Variants in HTR4 observed in about 807,000 individuals in gnomAD.
HTR4 encodes the protein 5-hydroxytryptamine (serotonin) receptor 4, G protein-coupled.
Under a neutral mutation model 36.8 loss-of-function variants are expected in HTR4, and 16 were observed. The ratio of observed to expected loss-of-function variants is 0.43; its 90% CI spans 0.29 to 0.66. HTR4 has a LOEUF of 0.66. HTR4 is among the 30% of genes least tolerant of loss of function. HTR4 has a pLI of 0.13. For synonymous variants in HTR4, 189 were observed against 185.1 expected (o/e 1.02, Z -0.17); for missense variants, 438 against 490.9 (o/e 0.89, Z 1.02).
chr5:148,637,289 T>C (rs1401699693), intron 1 of HTR4, among the ~76,000 whole-genome samples: 1 of 152,208 alleles, frequency 6.6e-6, no homozygotes, highest in Non-Finnish European at 1.5e-5. Context: ...GATTAAAACA[T>C]ATGGGTGCTT....
At chr5:148,601,920 A>T (rs924182700) in intron 2 of HTR4, among the ~76,000 whole-genome samples, 1 of 152,184 alleles carries the variant, frequency 6.6e-6, no homozygotes, top group African/African-American at 2.4e-5. Flanking sequence ...TCACTTCTAT[A>T]TGGGATCTAA....
downstream of HTR4, among the ~76,000 whole-genome samples, chr5:148,473,301 CAA>C (rs35164649): frequency 3.2e-4 from 22 of 68,596 alleles, no homozygotes; most frequent in Admixed American, 5.2e-4. Flanking sequence ...GACTCCATCT[CAA>C]AAAAAAAAAA....
intron 2 of HTR4, among the ~76,000 whole-genome samples, chr5:148,560,270 A>G (rs1157683347): frequency 6.6e-6 from 1 of 151,498 alleles, no homozygotes; most frequent in African/African-American, 2.4e-5. Context: ...ATTCCATAAT[A>G]TGAAGCATCA....
At chr5:148,532,987 G>T (rs999271138) in intron 4 of HTR4, among the ~76,000 whole-genome samples, 1 of 152,176 alleles carries the variant, frequency 6.6e-6, no homozygotes, top group Non-Finnish European at 1.5e-5. Flanking sequence ...TGTTAGGCTA[G>T]GAGGAGTTAC....
intron 2 of HTR4, among the ~76,000 whole-genome samples, chr5:148,621,564 G>C (rs1261948481): frequency 6.6e-6 from 1 of 152,184 alleles, no homozygotes; most frequent in East Asian, 1.9e-4. Flanking sequence ...CTGTGGTCCA[G>C]CAAGTTTGTG....
At chr5:148,532,410 T>A (rs1427780698) in intron 4 of HTR4, among the ~76,000 whole-genome samples, 3 of 152,242 alleles carry the variant, frequency 2.0e-5, no homozygotes, top group African/African-American at 7.2e-5. Flanking sequence ...TTGTGGATAC[T>A]GACAAACTGG....
chr5:148,573,558 A>T (rs1354723342), intron 2 of HTR4, among the ~76,000 whole-genome samples: 1 of 152,118 alleles, frequency 6.6e-6, no homozygotes, highest in East Asian at 1.9e-4. Flanking sequence ...GACTTATATT[A>T]TATCTACTCA....
intron 2 of HTR4, among the ~76,000 whole-genome samples, chr5:148,592,848 A>G (rs1244909811): frequency 6.6e-6 from 1 of 151,914 alleles, no homozygotes; most frequent in African/African-American, 2.4e-5. Context: ...TAATTTCCTC[A>G]CTTCAGTCTT....
At chr5:148,500,105 G>T (rs955285735) in intron 6 of HTR4, among the ~76,000 whole-genome samples, 1 of 152,166 alleles carries the variant, frequency 6.6e-6, no homozygotes, top group African/African-American at 2.4e-5. Context: ...CAGGGGGTAA[G>T]TGTATAGAGC....
intron 2 of HTR4, among the ~76,000 whole-genome samples, chr5:148,577,011 A>C (rs1760949906): frequency 6.6e-6 from 1 of 152,130 alleles, no homozygotes; most frequent in Non-Finnish European, 1.5e-5. Flanking sequence ...CAATGACAAA[A>C]AACTATCAAC....
chr5:148,626,892 AT>A (rs956127019), intron 2 of HTR4, among the ~76,000 whole-genome samples: 2 of 152,100 alleles, frequency 1.3e-5, no homozygotes, highest in African/African-American at 2.4e-5. Flanking sequence ...TTCTATAGAC[AT>A]TTTTTTACCT....
chr5:148,554,774 A>G (rs1759859722), intron 2 of HTR4, among the ~76,000 whole-genome samples: 1 of 152,100 alleles, frequency 6.6e-6, no homozygotes, highest in South Asian at 2.1e-4. Context: ...TTTGATAGGT[A>G]GTTTCTTGAT....
intron 5 of HTR4, among the ~76,000 whole-genome samples, chr5:148,515,008 A>G (rs1330300368): frequency 6.6e-6 from 1 of 152,056 alleles, no homozygotes; most frequent in Non-Finnish European, 1.5e-5. Flanking sequence ...TCTATTCTTT[A>G]AATAATTTAA....
chr5:148,463,811 C>A (rs1045057209), intron 5 of HTR4, among the ~76,000 whole-genome samples: 1 of 151,760 alleles, frequency 6.6e-6, no homozygotes, highest in Admixed American at 6.6e-5. Context: ...AGTCAGAGGA[C>A]TGATACTACC....
chr5:148,548,945 A>G, intron 3 of HTR4, 77 bp from the exon 4 acceptor site: 1 of 993,350 alleles, frequency 1.0e-6, no homozygotes, highest in Admixed American at 2.0e-5. Flanking sequence ...AGATCAAGAG[A>G]AAAAACAGGG....
intron 4 of HTR4, among the ~76,000 whole-genome samples, chr5:148,543,116 G>A (rs1254140418): frequency 6.6e-6 from 1 of 152,186 alleles, no homozygotes; most frequent in African/African-American, 2.4e-5. Context: ...CATGTGTTAA[G>A]GATGGTTTAA....
chr5:148,550,247 G>A lies in HTR4; in HGVS notation c.42C>T (p.Phe14=), dbSNP rs200233975. Residue 14 remains phenylalanine, a synonymous_variant, in exon 3 of 7, where the codon TTC becomes TTT. Transcript: ENST00000377888. ...LDANVSSEEG[F]GSVEKVVLLT... is the part of the protein sequence containing the mutation. ...GCAGCACCACCTTCTCCACTGACCC[G>A]AAACCCTCCTCAGAACTGAAAGACA... 206 of 1,613,866 alleles carry A rather than the reference G, an allele frequency of 1.3e-4. No homozygotes were observed. The highest frequency in any genetic ancestry group is 1.6e-4 in the Non-Finnish European group (189 of 1,179,978).
chr5:148,598,133 A>G (rs1450906294), intron 2 of HTR4, among the ~76,000 whole-genome samples: 1 of 152,166 alleles, frequency 6.6e-6, no homozygotes, highest in Non-Finnish European at 1.5e-5. Context: ...GAGTAGGACC[A>G]TAAAAAGGGT....
At chr5:148,637,349 A>G (rs1226433465) in intron 1 of HTR4, among the ~76,000 whole-genome samples, 2 of 152,146 alleles carry the variant, frequency 1.3e-5, no homozygotes, top group Non-Finnish European at 2.9e-5. Flanking sequence ...AACATGGCTT[A>G]TTTTTATGAT....
Sources: allele counts gnomAD v4.1 joint callset (sites outside exome capture counted in the v4.1 genomes callset), GRCh38; gene constraint gnomAD v4.1.1; transcripts MANE v1.5; gene names NCBI Gene and HGNC (gene_info 2026-07-23, HGNC 2026-07-21).